Variants in MDFIC observed in about 807,000 individuals in gnomAD.
MDFIC encodes the protein MyoD family inhibitor domain containing, also known as myoD family inhibitor domain-containing protein.
Under a neutral mutation model 23.2 loss-of-function variants are expected in MDFIC, and 17 were observed. The ratio of observed to expected loss-of-function variants is 0.73; its 90% CI spans 0.50 to 1.10. MDFIC has a LOEUF of 1.10. Ranked by LOEUF, MDFIC falls within the 50% of genes least tolerant of loss-of-function variation. The pLI is 0.00. For missense variants in MDFIC, 356 were observed against 316.6 expected (o/e 1.12, Z -0.95); for synonymous variants, 120 against 115.2 (o/e 1.04, Z -0.27).
chr7:114,946,069 T>C (rs1792638391), intron 3 of MDFIC, among the ~76,000 whole-genome samples: 1 of 152,206 alleles, frequency 6.6e-6, no homozygotes. Context: ...ACACCATCAA[T>C]TAATATTAAT....
intron 4 of MDFIC, among the ~76,000 whole-genome samples, chr7:114,986,306 A>G (rs904036018): frequency 6.6e-6 from 1 of 151,950 alleles, no homozygotes; most frequent in Non-Finnish European, 1.5e-5. Flanking sequence ...TTTATAACTG[A>G]GGAGTTTTTC....
At chr7:115,000,981 G>T (rs1347185410) in intron 4 of MDFIC, among the ~76,000 whole-genome samples, 1 of 152,128 alleles carries the variant, frequency 6.6e-6, no homozygotes, top group Non-Finnish European at 1.5e-5. Context: ...TGTGGCCTCA[G>T]GCCCCCTTCC....
At position 114,979,762 on chromosome 7, in the gene MDFIC, G is replaced by C. The variant is rs528031031; in HGVS notation, c.474G>C (p.Lys158Asn). ...KSKVNAVFSQKTGSSPEDCCV... is the reference protein window; with the variant it reads ...KSKVNAVFSQNTGSSPEDCCV... ...AAGTAAATGCTGTCTTTTCCCAAAA[G>C]ACAGGCTCTTCACCTGAAGGTAAGT... is the stretch of plus-strand genomic sequence containing the variant. The change falls in exon 4 of 5, where the codon AAG becomes AAC. Residue 158 changes from lysine to asparagine, a missense_variant. By Grantham distance (94) the Lys-to-Asn change is moderately conservative (BLOSUM62 0). Coordinates refer to ENST00000393486, the MANE Select transcript of MDFIC (RefSeq NM_001166345.3). 3.1e-6 allele frequency: 5 copies of C among 1,613,646 alleles called. No homozygotes were observed. The highest frequency in any genetic ancestry group is 4.2e-6 in the Non-Finnish European group (5 of 1,179,746).
In MDFIC at chr7:115,007,506, T is replaced by C. The variant is rs17137535; in HGVS notation, c.494-8182T>C. ...TCTGCCCAAAAACTGACTTTCTGGG[T>C]AAAAAATTTTAAATAAGCACTTCAA... On this transcript the variant is annotated intron_variant, in intron 4 of 4. Transcript: ENST00000393486. 3.5e-3 allele frequency among the ~76,000 whole-genome samples: 529 copies of C among 151,412 alleles called. 3 individuals carry two copies. Among genetic ancestry groups the C allele is most frequent in the African/African-American group, 0.01 (424 of 41,154 alleles).
chr7:114,975,065 G>A (rs1323178129), intron 3 of MDFIC, among the ~76,000 whole-genome samples: 1 of 150,392 alleles, frequency 6.6e-6, no homozygotes, highest in Non-Finnish European at 1.5e-5. Flanking sequence ...CTTTTTTTTT[G>A]CTAGTATTAT....
chr7:114,938,733 A>C (rs2115743662), intron 2 of MDFIC, among the ~76,000 whole-genome samples: 1 of 152,294 alleles, frequency 6.6e-6, no homozygotes, highest in Non-Finnish European at 1.5e-5. Context: ...ATCTTATAGA[A>C]AGGTACAGAC....
chr7:114,962,318 T>C lies in MDFIC; in HGVS notation c.218-17188T>C, dbSNP rs183189659. Reference sequence around the variant, plus strand: ...TTTGAAAATGATCTTTGATAATCAATGAGAATATGTAGTAACCACTTGCAA... The same window carrying C: ...TTTGAAAATGATCTTTGATAATCAACGAGAATATGTAGTAACCACTTGCAA... On this transcript the variant is annotated intron_variant, in intron 3 of 4. Coordinates refer to ENST00000393486, the MANE Select transcript of MDFIC (RefSeq NM_001166345.3). 5.8e-4 allele frequency among the ~76,000 whole-genome samples: 89 copies of C among 152,312 alleles called. 2 individuals are homozygous for C. In the East Asian group the frequency reaches 0.017, roughly 28 times the overall value.
At chr7:114,954,805 G>A (rs1335887787) in intron 3 of MDFIC, among the ~76,000 whole-genome samples, 1 of 152,130 alleles carries the variant, frequency 6.6e-6, no homozygotes, top group South Asian at 2.1e-4. Context: ...AGACTGATAG[G>A]TTGTGTTTCT....
intron 4 of MDFIC, among the ~76,000 whole-genome samples, chr7:114,983,313 T>G (rs1359618851): frequency 6.6e-6 from 1 of 152,118 alleles, no homozygotes; most frequent in East Asian, 1.9e-4. Flanking sequence ...ACAACTGGAA[T>G]AACATTTTTT....
At chr7:114,936,101 C>CCCAT in intron 2 of MDFIC, among the ~76,000 whole-genome samples, 1 of 152,126 alleles carries the variant, frequency 6.6e-6, no homozygotes, top group Non-Finnish European at 1.5e-5. Context: ...GTTGAAGAAT[C>CCCAT]TGACAAAGAT....
chr7:114,950,325 A>G (rs547773047), intron 3 of MDFIC, among the ~76,000 whole-genome samples: 2 of 152,282 alleles, frequency 1.3e-5, no homozygotes, highest in East Asian at 1.9e-4. Context: ...TAAAGGAATG[A>G]CAGGTGCTGA....
chr7:114,923,422 G>T, intron 2 of MDFIC: 1 of 1,528,080 alleles, frequency 6.5e-7, no homozygotes, highest in Non-Finnish European at 8.8e-7. Context: ...TTGGGCCTAA[G>T]ACTCAATGTG....
At chr7:114,983,118 CA>C (rs779823822) in intron 4 of MDFIC, among the ~76,000 whole-genome samples, 22 of 152,178 alleles carry the variant, frequency 1.4e-4, no homozygotes, top group African/African-American at 5.3e-4. Flanking sequence ...TGTTCTGCTT[CA>C]CATTTTTGTT....
At chr7:114,956,691 C>A (rs1792891130) in intron 3 of MDFIC, among the ~76,000 whole-genome samples, 1 of 152,082 alleles carries the variant, frequency 6.6e-6, no homozygotes, top group Non-Finnish European at 1.5e-5. Flanking sequence ...ATGTGCAGAA[C>A]CCACCCCAGA....
At chr7:114,975,328 T>C (rs1427283383) in intron 3 of MDFIC, among the ~76,000 whole-genome samples, 1 of 152,086 alleles carries the variant, frequency 6.6e-6, no homozygotes, top group Non-Finnish European at 1.5e-5. Context: ...ATTGTCCCTT[T>C]ATAACGCAGG....
chr7:114,957,208 C>A (rs542591378), intron 3 of MDFIC, among the ~76,000 whole-genome samples: 26 of 152,042 alleles, frequency 1.7e-4, no homozygotes, highest in Admixed American at 6.6e-5. Context: ...TATATTACAT[C>A]GAAATCAAGG....
At chr7:114,987,232 A>C (rs992555389) in intron 4 of MDFIC, among the ~76,000 whole-genome samples, 5 of 152,196 alleles carry the variant, frequency 3.3e-5, no homozygotes, top group Admixed American at 3.3e-4. Context: ...GAAATTAGAA[A>C]GGTAAAATTG....
chr7:115,016,104 T>C lies in MDFIC; in HGVS notation c.*169T>C, dbSNP rs1191173043. The C allele has an allele frequency of 3.1e-6, 2 of 638,722 alleles. No individual in the cohort carries two copies. Among genetic ancestry groups the C allele is most frequent in the East Asian group, 2.8e-5 (1 of 35,114 alleles). 39.6% of individuals were successfully genotyped at this position (638,722 alleles called of 1,614,324 possible). A position where few individuals can be genotyped will look rare whatever the true frequency, so the allele number is the denominator to read the frequency against. ...TTTTACTTTAACCAAATCTACATGGTTTAATATGTGAAATTTTAACTACTT... is the reference window on the plus strand; with the variant it reads ...TTTTACTTTAACCAAATCTACATGGCTTAATATGTGAAATTTTAACTACTT... On this transcript the variant is annotated 3_prime_UTR_variant, in exon 5 of 5. Transcript: ENST00000393486.
chr7:114,928,675 G>A (rs1792244870), intron 2 of MDFIC, among the ~76,000 whole-genome samples: 1 of 152,192 alleles, frequency 6.6e-6, no homozygotes. Context: ...TGAGGAGCTT[G>A]CATATCTCTT....
Sources: allele counts gnomAD v4.1 joint callset (sites outside exome capture counted in the v4.1 genomes callset), GRCh38; gene constraint gnomAD v4.1.1; transcripts MANE v1.5; gene names NCBI Gene and HGNC (gene_info 2026-07-23, HGNC 2026-07-21).